RSRC1: variants seen among roughly 807,000 people sequenced by gnomAD.
RSRC1 encodes serine/Arginine-related protein 53.
Under a neutral mutation model 49.1 loss-of-function variants are expected in RSRC1, and 39 were observed. That is an observed-to-expected ratio of 0.79 (90% CI 0.61 to 1.04). The LOEUF (loss-of-function observed/expected upper bound fraction) is 1.04, where lower values mean the gene tolerates loss of function less well. RSRC1 is among the 50% of genes least tolerant of loss of function. RSRC1 has a pLI of 0.00. For synonymous variants in RSRC1, 143 were observed against 130.8 expected (o/e 1.09, Z -0.63); for missense variants, 388 against 402.4 (o/e 0.96, Z 0.31).
chr3:158,388,902 C>T (rs1188541889), intron 6 of RSRC1, among the ~76,000 whole-genome samples: 1 of 152,138 alleles, frequency 6.6e-6, no homozygotes, highest in Non-Finnish European at 1.5e-5. Context: ...AGCCACTGCA[C>T]CTAACCCAAA....
chr3:158,443,813 A>G (rs1054779483), intron 6 of RSRC1, among the ~76,000 whole-genome samples: 2 of 152,120 alleles, frequency 1.3e-5, no homozygotes, highest in African/African-American at 4.8e-5. Flanking sequence ...ATATGAAGTG[A>G]GAGATGTGTG....
chr3:158,290,877 T>C (rs1438353171), intron 4 of RSRC1, among the ~76,000 whole-genome samples: 1 of 152,146 alleles, frequency 6.6e-6, no homozygotes, highest in Non-Finnish European at 1.5e-5. Flanking sequence ...TATGTTTAGT[T>C]CATGACAAAA....
At chr3:158,144,541 A>G (rs1692288502) in intron 3 of RSRC1, among the ~76,000 whole-genome samples, 1 of 152,150 alleles carries the variant, frequency 6.6e-6, no homozygotes, top group Non-Finnish European at 1.5e-5. Context: ...TCACTGATGG[A>G]CATTTGGGTT....
chr3:158,424,083 G>A (rs1276176009), intron 6 of RSRC1, among the ~76,000 whole-genome samples: 2 of 151,830 alleles, frequency 1.3e-5, no homozygotes, highest in African/African-American at 4.8e-5. Flanking sequence ...CTGCCTAATT[G>A]CCCTGGCCAG....
At chr3:158,146,807 G>A (rs551147296) in intron 3 of RSRC1, among the ~76,000 whole-genome samples, 1 of 152,098 alleles carries the variant, frequency 6.6e-6, no homozygotes, top group African/African-American at 2.4e-5. Flanking sequence ...CAATTTCAGA[G>A]CCTGTTATTG....
chr3:158,234,453 A>T (rs1723133030), intron 4 of RSRC1, among the ~76,000 whole-genome samples: 1 of 152,148 alleles, frequency 6.6e-6, no homozygotes, highest in African/African-American at 2.4e-5. Context: ...TCATTTGATG[A>T]TTCATGTTTT....
chr3:158,403,991 C>G (rs1367651586), intron 6 of RSRC1, among the ~76,000 whole-genome samples: 1 of 151,734 alleles, frequency 6.6e-6, no homozygotes, highest in African/African-American at 2.4e-5. Context: ...ATTTATATTT[C>G]TTTAAAATGT....
At chr3:158,336,154 G>A (rs1306001942) in intron 5 of RSRC1, among the ~76,000 whole-genome samples, 1 of 152,264 alleles carries the variant, frequency 6.6e-6, no homozygotes, top group Admixed American at 6.5e-5. Context: ...TGAGGAAGAT[G>A]CTGCGGTTGT....
intron 6 of RSRC1, among the ~76,000 whole-genome samples, chr3:158,439,497 A>G (rs1578479649): frequency 6.6e-6 from 1 of 152,198 alleles, no homozygotes; most frequent in South Asian, 2.1e-4. Context: ...AAAAAGGAGG[A>G]GTTCATGTCC....
chr3:158,343,852 G>C (rs867996520), intron 5 of RSRC1, among the ~76,000 whole-genome samples: 24 of 152,256 alleles, frequency 1.6e-4, no homozygotes, highest in South Asian at 2.1e-4. Flanking sequence ...AATATACATG[G>C]AGTTGCCAAA....
chr3:158,518,114 G>GCA (rs1203824123), intron 7 of RSRC1, among the ~76,000 whole-genome samples: 35 of 77,564 alleles, frequency 4.5e-4, no homozygotes, highest in African/African-American at 2.4e-3. Context: ...GTGTGTGTGT[G>GCA]TGTGTGTGTG....
intron 7 of RSRC1, among the ~76,000 whole-genome samples, chr3:158,507,976 G>A (rs1739944398): frequency 6.6e-6 from 1 of 152,132 alleles, no homozygotes; most frequent in African/African-American, 2.4e-5. Flanking sequence ...AGGAGGCTCA[G>A]ATGGGAGTAC....
chr3:158,127,180 C>G (rs1231718087), intron 3 of RSRC1, among the ~76,000 whole-genome samples: 10 of 152,052 alleles, frequency 6.6e-5, no homozygotes, highest in Admixed American at 2.6e-4. Flanking sequence ...TTTGTTTTCT[C>G]AGATTTGGGA....
chr3:158,345,553 GA>G (rs1730505224), intron 5 of RSRC1, among the ~76,000 whole-genome samples: 1 of 151,526 alleles, frequency 6.6e-6, no homozygotes, highest in South Asian at 2.1e-4. Context: ...AACAAAAGAA[GA>G]AAAAAGGACA....
intron 4 of RSRC1, among the ~76,000 whole-genome samples, chr3:158,229,483 AAC>A (rs1355991650): frequency 2.9e-4 from 44 of 150,464 alleles, no homozygotes; most frequent in Admixed American, 1.0e-3. Flanking sequence ...TATATTCACA[AAC>A]ACACATTTTT....
chr3:158,256,432 C>G (rs956101865), intron 4 of RSRC1, among the ~76,000 whole-genome samples: 3 of 152,106 alleles, frequency 2.0e-5, no homozygotes, highest in Non-Finnish European at 2.9e-5. Context: ...GGTGGAAAAG[C>G]TTTTTGATGT....
chr3:158,462,960 G>A (rs1737692804), intron 7 of RSRC1, among the ~76,000 whole-genome samples: 1 of 151,900 alleles, frequency 6.6e-6, no homozygotes, highest in African/African-American at 2.4e-5. Context: ...ATAAACTACA[G>A]GATTACAGAG....
Position 158,110,219 on chromosome 3 carries a change from C to T in RSRC1, c.-7C>T, listed in dbSNP as rs1714271610. 1 of 151,712 alleles carries T rather than the reference C, an allele frequency of 6.6e-6. No individual in the cohort carries two copies. The highest frequency in any genetic ancestry group is 2.4e-5 in the African/African-American group (1 of 41,472). 9.4% of individuals were successfully genotyped at this position (151,712 alleles called of 1,614,324 possible). On this transcript the variant is annotated 5_prime_UTR_variant, in exon 1 of 10. Transcript: ENST00000611884. ...GGAGGTGTGAGCCCAAAGGTCTGGA[C>T]CCAGGTGATGCCCACGACCAGGGCC...
chr3:158,111,017 A>G (rs1250288751), intron 1 of RSRC1, among the ~76,000 whole-genome samples: 2 of 152,222 alleles, frequency 1.3e-5, no homozygotes, highest in African/African-American at 2.4e-5. Flanking sequence ...ATTAGCAGTA[A>G]CCCAATTGTG....
Sources: gnomAD v4.1 joint callset for allele counts (sites outside exome capture counted in the v4.1 genomes callset) on GRCh38, gnomAD v4.1.1 for gene constraint, MANE v1.5 for transcripts, NCBI Gene and HGNC (gene_info 2026-07-23, HGNC 2026-07-21) for gene names.